CORO2A: variants seen among roughly 807,000 people sequenced by gnomAD.
CORO2A encodes the protein coronin 2A.
In CORO2A, 47 loss-of-function variants were observed where a neutral mutation model predicts 62.4. That is an observed-to-expected ratio of 0.75 (90% CI 0.60 to 0.96). The LOEUF is 0.96. Ranked by LOEUF, CORO2A falls within the 40% of genes least tolerant of loss-of-function variation. CORO2A has a pLI of 0.00. For synonymous variants in CORO2A, 273 were observed against 268.9 expected (o/e 1.02, Z -0.15); for missense variants, 610 against 684.1 (o/e 0.89, Z 1.21).
chr9:98,149,975 T>C (rs943333414), intron 2 of CORO2A, among the ~76,000 whole-genome samples: 3 of 151,314 alleles, frequency 2.0e-5, no homozygotes, highest in African/African-American at 7.3e-5. Context: ...TTGCCTGGGC[T>C]GGATGGAGTG....
chr9:98,188,582 T>G (rs189903171), intron 1 of CORO2A, among the ~76,000 whole-genome samples: 1 of 152,066 alleles, frequency 6.6e-6, no homozygotes, highest in African/African-American at 2.4e-5. Flanking sequence ...CTGGCCAACA[T>G]GGCGAAACAC....
chr9:98,146,835 G>A (rs1827649597), intron 2 of CORO2A, among the ~76,000 whole-genome samples: 1 of 152,294 alleles, frequency 6.6e-6, no homozygotes, highest in African/African-American at 2.4e-5. Context: ...CCCTATAAAT[G>A]GGGCTAATGT....
rs1211074779 is a variant in CORO2A, at chr9:98,124,664, T to TA, written c.*109dup. 4.3e-6 allele frequency: 5 copies of TA among 1,149,578 alleles called. No individual in the cohort carries two copies. Among genetic ancestry groups the TA allele is most frequent in the Admixed American group, 3.7e-5 (1 of 27,016 alleles). 71.2% of individuals were successfully genotyped at this position (1,149,578 alleles called of 1,614,324 possible). A position where few individuals can be genotyped will look rare whatever the true frequency, so the allele number is the denominator to read the frequency against. ...AGCGATGGAGAGTTTTGTTTTCTGG[T>TA]AAAAAATATAGAAATAGTGGTTGTC... On this transcript the variant is annotated 3_prime_UTR_variant, in exon 12 of 12. Transcript: ENST00000375077.
intron 1 of CORO2A, among the ~76,000 whole-genome samples, chr9:98,190,075 G>A (rs1268773251): frequency 1.3e-5 from 2 of 152,140 alleles, no homozygotes; most frequent in Admixed American, 6.5e-5. Context: ...AGTACAGACA[G>A]GATTTCATCA....
chr9:98,135,885 T>C (rs1188299606), intron 3 of CORO2A, among the ~76,000 whole-genome samples: 1 of 152,088 alleles, frequency 6.6e-6, no homozygotes, highest in Non-Finnish European at 1.5e-5. Context: ...TGTCACTGCA[T>C]AGAACCCCGG....
rs1310912241 is a variant in CORO2A at position 98,124,800 on chromosome 9, A to G, written c.1552T>C (p.Leu518=). The part of the protein sequence containing the change: ...AKQLELEIKN[L]RMGSEQL ...CAGAGCTGCTCTGAGCCCATCCGCA[A>G]GTTTTTGATCTCCAGTTCCAACTGT... The change falls in exon 12 of 12, where the codon TTG becomes CTG. Residue 518 remains leucine, a synonymous_variant. Transcript: ENST00000375077. 1.2e-6 allele frequency: 2 copies of G among 1,611,860 alleles called. No individual in the cohort carries two copies. The highest frequency in any genetic ancestry group is 1.7e-6 in the Non-Finnish European group (2 of 1,179,166).
At position 98,126,578 on chromosome 9, in the gene CORO2A, C is replaced by T. The variant is rs773618810; in HGVS notation, c.1417G>A (p.Glu473Lys). The change falls in exon 11 of 12, where the codon GAA becomes AAA. Residue 473 changes from glutamate (E) to lysine (K), a missense_variant. Transcript: ENST00000375077. ...TWLTNGFDVF[E>K]CPPPKTENEL... ...TTCTCTGTCTTTGGTGGGGGGCATT[C>T]GAAAACGTCAAAGCCATTTGTCAGC... is the stretch of plus-strand genomic sequence containing the variant. 10 of 1,613,816 alleles carry T rather than the reference C, an allele frequency of 6.2e-6. No individual in the cohort carries two copies. Among genetic ancestry groups the T allele is most frequent in the Admixed American group, 5.0e-5 (3 of 59,972 alleles).
intron 6 of CORO2A, among the ~76,000 whole-genome samples, chr9:98,131,687 T>C (rs1827411453): frequency 6.6e-6 from 1 of 152,274 alleles, no homozygotes; most frequent in Non-Finnish European, 1.5e-5. Context: ...AAAATTTATT[T>C]TAATAGATGA....
chr9:98,137,472 G>A, intron 3 of CORO2A, 100 bp downstream of exon 3: 1 of 929,324 alleles, frequency 1.1e-6, no homozygotes, highest in Non-Finnish European at 1.8e-6. Context: ...CCTCCGCGAT[G>A]GAGTCAGGGG....
intron 2 of CORO2A, among the ~76,000 whole-genome samples, chr9:98,138,520 A>G (rs770569932): frequency 4.6e-5 from 7 of 152,228 alleles, no homozygotes; most frequent in Non-Finnish European, 8.8e-5. Context: ...TGGACATACA[A>G]AATGCAGTAT....
intron 1 of CORO2A, among the ~76,000 whole-genome samples, chr9:98,162,517 T>A (rs886385634): frequency 6.6e-6 from 1 of 152,210 alleles, no homozygotes; most frequent in Non-Finnish European, 1.5e-5. Flanking sequence ...CCTGCTGTCA[T>A]GAAGGGAAAC....
chr9:98,189,277 C>T (rs1828276702), intron 1 of CORO2A, among the ~76,000 whole-genome samples: 1 of 152,140 alleles, frequency 6.6e-6, no homozygotes, highest in Admixed American at 6.5e-5. Flanking sequence ...CCCTTTAGAC[C>T]AGGTGTGATT....
intron 1 of CORO2A, among the ~76,000 whole-genome samples, chr9:98,170,518 T>C (rs923871729): frequency 2.0e-5 from 3 of 152,188 alleles, no homozygotes; most frequent in South Asian, 4.1e-4. Context: ...CTTGGCTCAC[T>C]GCAACCTCTG....
intron 8 of CORO2A, among the ~76,000 whole-genome samples, chr9:98,129,230 A>G (rs2118798389): frequency 6.6e-6 from 1 of 152,236 alleles, no homozygotes; most frequent in South Asian, 2.1e-4. Context: ...GCTCTGCTTA[A>G]GGTTCCCCAT....
chr9:98,126,984 A>C, intron 10 of CORO2A, 161 bp from the exon 11 acceptor site: 1 of 749,356 alleles, frequency 1.3e-6, no homozygotes, highest in Non-Finnish European at 2.2e-6. Flanking sequence ...CCAAACCCAC[A>C]GAGCAGGGCT....
chr9:98,145,001 G>A (rs534828513), intron 2 of CORO2A, among the ~76,000 whole-genome samples: 1 of 152,136 alleles, frequency 6.6e-6, no homozygotes, highest in African/African-American at 2.4e-5. Flanking sequence ...GAGATGAGAG[G>A]AGCATTTCTT....
chr9:98,180,151 C>T (rs1828159702), intron 1 of CORO2A, among the ~76,000 whole-genome samples: 1 of 152,186 alleles, frequency 6.6e-6, no homozygotes, highest in Non-Finnish European at 1.5e-5. Flanking sequence ...GCACCTACCT[C>T]CCTGCCCTTG....
At chr9:98,185,431 G>A (rs1283932409) in intron 1 of CORO2A, among the ~76,000 whole-genome samples, 1 of 152,262 alleles carries the variant, frequency 6.6e-6, no homozygotes. Context: ...GTCAAGACTT[G>A]CCTAAGGAGC....
intron 2 of CORO2A, among the ~76,000 whole-genome samples, chr9:98,143,068 T>C (rs1367248113): frequency 6.6e-6 from 1 of 152,162 alleles, no homozygotes; most frequent in African/African-American, 2.4e-5. Flanking sequence ...GAAACAGGCT[T>C]CTGATGGATG....
Sources: gnomAD v4.1 joint callset for allele counts (sites outside exome capture counted in the v4.1 genomes callset) on GRCh38, gnomAD v4.1.1 for gene constraint, MANE v1.5 for transcripts, NCBI Gene and HGNC (gene_info 2026-07-23, HGNC 2026-07-21) for gene names.